The following GARRE1 variants were observed in gnomAD, a reference collection of about 807,000 sequenced individuals.
The protein encoded by GARRE1 is granule associated Rac and RHOG effector 1, also known as granule associated Rac and RHOG effector protein 1.
A neutral mutation model predicts 103.2 loss-of-function variants in GARRE1; 49 were observed. The observed-to-expected ratio is 0.47, with a 90% CI of 0.38 to 0.60. The LOEUF is 0.60. GARRE1 is among the 20% of genes least tolerant of loss of function. GARRE1 has a pLI of 0.00. For synonymous variants in GARRE1, 505 were observed against 532.8 expected (o/e 0.95, Z 0.72); for missense variants, 1,199 against 1,370.5 (o/e 0.87, Z 1.98).
intron 7 of GARRE1, 101 bp from the exon 8 acceptor site, chr19:34,333,603 T>G: frequency 2.7e-6 from 2 of 730,094 alleles, no homozygotes; most frequent in Non-Finnish European, 4.6e-6. Context: ...GCTAGGGGAA[T>G]AGTTCTTAGA....
At chr19:34,348,966 G>A (rs201360370) in intron 11 of GARRE1, 50 bp from the exon 12 acceptor site, 1 of 1,600,764 alleles carries the variant, frequency 6.2e-7, no homozygotes, top group Non-Finnish European at 8.5e-7. Context: ...GGGGTGGCGG[G>A]TGGTGGGGCT....
chr19:34,306,658 A>AGAT (rs1442424745), intron 2 of GARRE1, among the ~76,000 whole-genome samples: 1 of 152,220 alleles, frequency 6.6e-6, no homozygotes, highest in Non-Finnish European at 1.5e-5. Context: ...CTGGTACATC[A>AGAT]GCCTAGGAAG....
At chr19:34,342,491 C>T (rs533222833) in intron 10 of GARRE1, 36 bp downstream of exon 10, 2 of 1,560,286 alleles carry the variant, frequency 1.3e-6, no homozygotes, top group South Asian at 1.2e-5. Context: ...CCAGTGTCAA[C>T]AGCAAATGCA....
chr19:34,286,555 G>T (rs1332716464), intron 1 of GARRE1, among the ~76,000 whole-genome samples: 1 of 144,122 alleles, frequency 6.9e-6, no homozygotes, highest in African/African-American at 2.6e-5. Flanking sequence ...TTTTGAGACG[G>T]AGTCTGGCTC....
At chr19:34,286,639 C>T (rs1185679958) in intron 1 of GARRE1, among the ~76,000 whole-genome samples, 1 of 151,324 alleles carries the variant, frequency 6.6e-6, no homozygotes, top group Non-Finnish European at 1.5e-5. Context: ...GTAGCTGGGA[C>T]TACAGGCGCC....
chr19:34,343,418 CAGAG>C (rs1011662013), intron 10 of GARRE1, among the ~76,000 whole-genome samples: 21 of 152,040 alleles, frequency 1.4e-4, no homozygotes, highest in Non-Finnish European at 2.6e-4. Context: ...GCCTGGCTGA[CAGAG>C]AGAAACCCTG....
chr19:34,290,095 G>T (rs186611414), intron 1 of GARRE1, among the ~76,000 whole-genome samples: 1 of 152,152 alleles, frequency 6.6e-6, no homozygotes. Flanking sequence ...AGTGGCTGAT[G>T]CCTGTAATTC....
At chr19:34,324,345 G>A (rs1038486217) in intron 3 of GARRE1, among the ~76,000 whole-genome samples, 4 of 151,914 alleles carry the variant, frequency 2.6e-5, no homozygotes, top group Non-Finnish European at 5.9e-5. Flanking sequence ...GGCACACCCC[G>A]TGGACAGTTT....
rs760942855 is a variant in GARRE1, at chr19:34,328,056, T to C, written c.1009T>C (p.Cys337Arg). 4.3e-6 allele frequency: 7 copies of C among 1,614,142 alleles called. No homozygotes were observed. The highest frequency in any genetic ancestry group is 4.2e-6 in the Non-Finnish European group (5 of 1,180,016). Residue 337 changes from cysteine to arginine, a missense_variant, in exon 6 of 14, where the codon TGT becomes CGT. Transcript: ENST00000299505. The stretch of plus-strand genomic sequence containing the variant: ...GCAGACACCCCCGCAGCCCATGCAG[T>C]GTGAGCTCCCCACCGTCCCTGTGCA... ...RRQTPPQPMQ[C>R]ELPTVPVQIG...
chr19:34,352,791 TC>T lies in GARRE1; in HGVS notation c.3053del (p.Pro1018GlnfsTer73), dbSNP rs776372539. The T allele has an allele frequency of 6.2e-7, 1 of 1,614,026 alleles. No individual in the cohort carries two copies. ...GAACGACACCATGCAGATGCTGCAG[TC>T]CCCAGTGTGGGCCGCAACCAACGAC... is the stretch of plus-strand genomic sequence containing the variant. ...QWNDTMQMLQ[S>X]PVWAATNDCS... On this transcript the variant is annotated frameshift_variant, in exon 14 of 14. Transcript: ENST00000299505. LOFTEE classifies it high-confidence loss of function.
intron 8 of GARRE1, among the ~76,000 whole-genome samples, chr19:34,334,872 G>A (rs2074153876): frequency 6.6e-6 from 1 of 152,064 alleles, no homozygotes; most frequent in Admixed American, 6.5e-5. Flanking sequence ...TGGCCAACAT[G>A]GTGAAACCCT....
At chr19:34,336,436 T>C (rs1248464369) in intron 8 of GARRE1, among the ~76,000 whole-genome samples, 3 of 152,092 alleles carry the variant, frequency 2.0e-5, no homozygotes, top group South Asian at 2.1e-4. Flanking sequence ...TTTTTTCTTT[T>C]GTAGTCAGTG....
intron 1 of GARRE1, among the ~76,000 whole-genome samples, chr19:34,287,910 T>C (rs542700654): frequency 1.3e-4 from 20 of 152,314 alleles, no homozygotes; most frequent in South Asian, 6.2e-4. Flanking sequence ...TTTCAACATA[T>C]GCATTTTTGG....
chr19:34,298,427 A>AAT (rs1336987638), intron 1 of GARRE1, among the ~76,000 whole-genome samples: 1 of 150,956 alleles, frequency 6.6e-6, no homozygotes, highest in Non-Finnish European at 1.5e-5. Context: ...AAAAAAAAAA[A>AAT]GTTGGCCAGG....
intron 8 of GARRE1, among the ~76,000 whole-genome samples, chr19:34,338,060 C>T (rs1001932279): frequency 6.6e-6 from 1 of 152,146 alleles, no homozygotes; most frequent in Admixed American, 6.5e-5. Flanking sequence ...TGAGCCTGGC[C>T]GGCTCTCATT....
At chr19:34,280,167 C>G (rs2073842958) in intron 1 of GARRE1, among the ~76,000 whole-genome samples, 1 of 152,038 alleles carries the variant, frequency 6.6e-6, no homozygotes, top group African/African-American at 2.4e-5. Flanking sequence ...TTTAAACAAC[C>G]AGGTCTCATG....
rs1173797857 is a variant in GARRE1, at chr19:34,272,266, T to C, written c.-796+17652T>C. Among the ~76,000 whole-genome samples the C allele has an allele frequency of 3.9e-5, 6 of 152,104 alleles. No homozygotes were observed. In the East Asian group the frequency reaches 9.7e-4, roughly 24 times the overall value. ...TCTTGCTCTGTTGCCCAGGCTGGAG[T>C]GCAGTGATGCAATCTTGGCTCACTG... On this transcript the variant is annotated intron_variant, in intron 1 of 13. Transcript: ENST00000299505.
rs1327511034 is a variant in GARRE1 at position 34,342,565 on chromosome 19, T to TC, written c.2521+115dup. The TC allele has an allele frequency of 7.8e-6, 8 of 1,021,476 alleles. No individual in the cohort carries two copies. In the East Asian group the frequency reaches 1.9e-4, roughly 25 times the overall value. 63.3% of individuals were successfully genotyped at this position (1,021,476 alleles called of 1,614,324 possible). On this transcript the variant is annotated intron_variant, in intron 10 of 13. Coordinates refer to ENST00000299505, the MANE Select transcript of GARRE1 (RefSeq NM_014686.5). ...TACTTGTGAAGGTGAAATCATTTAA[T>TC]CCCCCTTTACGACCCTTTCTCACTG...
intron 8 of GARRE1, among the ~76,000 whole-genome samples, chr19:34,335,682 C>T (rs1447169992): frequency 2.6e-5 from 4 of 152,172 alleles, no homozygotes; most frequent in South Asian, 2.1e-4. Flanking sequence ...CATGCCACTA[C>T]GCCCAGCTAA....
Sources: allele counts gnomAD v4.1 joint callset (sites outside exome capture counted in the v4.1 genomes callset), GRCh38; gene constraint gnomAD v4.1.1; transcripts MANE v1.5; gene names NCBI Gene and HGNC (gene_info 2026-07-23, HGNC 2026-07-21).